The following IRAG1 variants were observed in gnomAD, a reference collection of about 807,000 sequenced individuals.
IRAG1 encodes the protein inositol 1,4,5-triphosphate receptor associated 1, also known as IP3R-associated cGMP kinase substrate.
A neutral mutation model predicts 106.2 loss-of-function variants in IRAG1; 62 were observed. The ratio of observed to expected loss-of-function variants is 0.58; its 90% CI spans 0.48 to 0.72. IRAG1 has a LOEUF of 0.72. IRAG1 is among the 30% of genes least tolerant of loss of function. The pLI, the probability that IRAG1 is intolerant of heterozygous loss-of-function variation, is 0.00. For missense variants in IRAG1, 1,064 were observed against 1,140.7 expected, an observed-to-expected ratio of 0.93 and a Z score of 0.97; for synonymous variants, 462 against 443.9, an observed-to-expected ratio of 1.04 and a Z score of -0.51.
chr11:10,627,909 G>A (rs1856378632), intron 7 of IRAG1, 64 bp downstream of exon 7: 1 of 1,576,622 alleles, frequency 6.3e-7, no homozygotes, highest in Non-Finnish European at 8.6e-7. Context: ...GCCTCCTGGT[G>A]TTCGGGGTAA....
At chr11:10,676,672 A>T (rs1235113541) in intron 1 of IRAG1, among the ~76,000 whole-genome samples, 1 of 152,206 alleles carries the variant, frequency 6.6e-6, no homozygotes, top group Non-Finnish European at 1.5e-5. Context: ...CTGAGAATAC[A>T]TCTAATGCCA....
chr11:10,606,437 C>G (rs1421768352), intron 12 of IRAG1, among the ~76,000 whole-genome samples: 1 of 152,186 alleles, frequency 6.6e-6, no homozygotes. Flanking sequence ...AATTCTGCAG[C>G]CTCCCAGCTG....
intron 1 of IRAG1, among the ~76,000 whole-genome samples, chr11:10,685,572 T>C (rs1269765353): frequency 1.3e-5 from 2 of 151,802 alleles, no homozygotes; most frequent in Non-Finnish European, 2.9e-5. Flanking sequence ...GTTTAAAACA[T>C]TAGCCAGGTG....
At chr11:10,623,700 T>C in intron 10 of IRAG1, 78 bp downstream of exon 10, 1 of 1,339,340 alleles carries the variant, frequency 7.5e-7, no homozygotes, top group Non-Finnish European at 1.1e-6. Flanking sequence ...AAGTCTTGTG[T>C]TTACACATTC....
At chr11:10,580,171 C>G (rs999619755) in intron 20 of IRAG1, among the ~76,000 whole-genome samples, 2 of 152,200 alleles carry the variant, frequency 1.3e-5, no homozygotes, top group Admixed American at 1.3e-4. Context: ...GCCCTTCGCC[C>G]TTCCTTAGCT....
chr11:10,692,185 A>T (rs536852969), intron 1 of IRAG1, among the ~76,000 whole-genome samples: 1 of 134,532 alleles, frequency 7.4e-6, no homozygotes, highest in East Asian at 2.0e-4. Context: ...GCCACCCACC[A>T]AATATGCATG....
intron 1 of IRAG1, chr11:10,687,522 C>T: frequency 2.0e-6 from 1 of 490,350 alleles, no homozygotes; most frequent in South Asian, 3.1e-5. Context: ...TTGATCCAAA[C>T]ACTTTCCAAC....
intron 18 of IRAG1, among the ~76,000 whole-genome samples, chr11:10,583,774 C>A (rs1370976070): frequency 6.6e-6 from 1 of 152,126 alleles, no homozygotes; most frequent in South Asian, 2.1e-4. Flanking sequence ...TAGAGAATCT[C>A]TCCTTGTTTG....
chr11:10,612,682 G>C (rs1855067720), intron 10 of IRAG1, among the ~76,000 whole-genome samples: 1 of 151,554 alleles, frequency 6.6e-6, no homozygotes, highest in African/African-American at 2.4e-5. Context: ...AAGGAAAAGG[G>C]AAATGTGCAA....
chr11:10,679,624 G>A (rs1860984443), intron 1 of IRAG1, among the ~76,000 whole-genome samples: 1 of 152,192 alleles, frequency 6.6e-6, no homozygotes, highest in Non-Finnish European at 1.5e-5. Flanking sequence ...CTTGCTCACT[G>A]AGAGCTTTCC....
At chr11:10,669,710 T>C (rs1158527393) in intron 1 of IRAG1, among the ~76,000 whole-genome samples, 5 of 152,092 alleles carry the variant, frequency 3.3e-5, no homozygotes, top group South Asian at 2.1e-4. Flanking sequence ...CAGTCCACCC[T>C]CTCTTTCAGA....
chr11:10,681,859 T>C (rs1260882725), intron 1 of IRAG1, among the ~76,000 whole-genome samples: 8 of 152,232 alleles, frequency 5.3e-5, no homozygotes, highest in African/African-American at 1.4e-4. Flanking sequence ...CAAACTGCCA[T>C]GGTGCTAGCT....
Position 10,576,367 on chromosome 11 carries a change from A to G in IRAG1, c.2704T>C (p.Ser902Pro), listed in dbSNP as rs1372916286. The stretch of plus-strand genomic sequence containing the variant: ...GTAGGCTGCTCATGCTGGAGTCCTG[A>G]GCTCCACCAGGAGTCCCTCTGGGCT... ...SAAQRDSWWS[S>P]GLQHEQPTEQ The change falls in exon 21 of 21, where the codon TCA (serine) becomes CCA (proline). Residue 902 changes from serine (S) to proline (P), a missense_variant. Transcript: ENST00000423302. 2.5e-6 allele frequency: 4 copies of G among 1,613,770 alleles called. No individual in the cohort carries two copies. The highest frequency in any genetic ancestry group is 2.7e-5 in the African/African-American group (2 of 74,902).
chr11:10,670,959 T>C (rs564928013), intron 1 of IRAG1, among the ~76,000 whole-genome samples: 14 of 152,360 alleles, frequency 9.2e-5, no homozygotes, highest in African/African-American at 3.4e-4. Flanking sequence ...TGTGATATTT[T>C]AATACAGTAG....
Position 10,628,157 on chromosome 11 carries a change from C to T in IRAG1, c.653-132G>A, listed in dbSNP as rs1214678635. 1.4e-5 allele frequency: 14 copies of T among 967,256 alleles called. No individual in the cohort carries two copies. The highest frequency in any genetic ancestry group is 2.1e-4 in the Middle Eastern group (1 of 4,876). The allele number at this position is 967,256 out of a possible 1,614,324, so 59.9% of individuals were successfully genotyped here. On this transcript the variant is annotated intron_variant, in intron 6 of 20. Coordinates refer to ENST00000423302, the MANE Select transcript of IRAG1 (RefSeq NM_130385.4). This position sits in a 1 kb window ranked among gnomAD's most constrained non-coding sequence, Gnocchi z 4.1. ...CCTGGAAGATTTGCTGACTACCTCC[C>T]GTGTGCCAGGTTCTCAGGTGGGCCC... is the stretch of plus-strand genomic sequence containing the variant.
chr11:10,594,155 C>T lies in IRAG1; in HGVS notation c.2058G>A (p.Thr686=), dbSNP rs971513392. Residue 686 remains threonine (T), a synonymous_variant, in exon 16 of 21, where the codon ACG becomes ACA. Transcript: ENST00000423302. ...CCTTGAACATGCATACCTTTCCCAG[C>T]GTGAGGGACATGGACCGTGCCGTGC... ...VPRTARSMSL[T]LGKNMPRRRV... The T allele has an allele frequency of 2.9e-5, 47 of 1,608,564 alleles. No homozygotes were observed. Among genetic ancestry groups the T allele is most frequent in the Non-Finnish European group, 3.6e-5 (42 of 1,177,710 alleles).
intron 10 of IRAG1, among the ~76,000 whole-genome samples, chr11:10,612,934 A>C (rs1855089958): frequency 6.6e-6 from 1 of 152,220 alleles, no homozygotes. Context: ...ATATACAACC[A>C]ACCAATTTAT....
chr11:10,686,255 C>A (rs192851896), intron 1 of IRAG1, among the ~76,000 whole-genome samples: 10 of 152,116 alleles, frequency 6.6e-5, no homozygotes, highest in African/African-American at 2.4e-4. Flanking sequence ...CATTCGCCCA[C>A]GTCAAACAGT....
intron 1 of IRAG1, among the ~76,000 whole-genome samples, chr11:10,685,430 A>AG (rs1861597765): frequency 6.6e-6 from 1 of 151,738 alleles, no homozygotes; most frequent in Admixed American, 6.6e-5. Context: ...AAAAAAAAAA[A>AG]AGAATTAAAA....
Sources: allele counts gnomAD v4.1 joint callset (sites outside exome capture counted in the v4.1 genomes callset), GRCh38; gene constraint gnomAD v4.1.1; non-coding constraint Gnocchi (gnomAD v3.1); transcripts MANE v1.5; gene names NCBI Gene and HGNC (gene_info 2026-07-23, HGNC 2026-07-21).